The following RBBP8 variants were observed in gnomAD, a reference collection of about 807,000 sequenced individuals.
RBBP8 encodes DNA endonuclease RBBP8.
RBBP8 carries 88 observed loss-of-function variants against 108.3 expected under a neutral mutation model. The ratio of observed to expected loss-of-function variants is 0.81; its 90% CI spans 0.68 to 0.97. RBBP8 has a LOEUF of 0.97. Among genes scored for constraint, RBBP8 ranks in the 50% least tolerant of loss-of-function variants. RBBP8 has a pLI of 0.00. For missense variants in RBBP8, 1,023 were observed against 1,049.0 expected, an observed-to-expected ratio of 0.98 and a Z score of 0.34; for synonymous variants, 332 against 348.2, an observed-to-expected ratio of 0.95 and a Z score of 0.52.
intron 6 of RBBP8, among the ~76,000 whole-genome samples, chr18:22,977,512 C>A (rs1486402595): frequency 6.6e-6 from 1 of 152,062 alleles, no homozygotes; most frequent in East Asian, 1.9e-4. Flanking sequence ...TCATTCTTTT[C>A]GTTTTAGAAA....
chr18:22,958,420 CTT>C (rs1912774092), intron 4 of RBBP8, among the ~76,000 whole-genome samples: 1 of 152,134 alleles, frequency 6.6e-6, no homozygotes. Flanking sequence ...ATGATAATGA[CTT>C]ATTTAAATGT....
chr18:23,019,424 C>G (rs1412305020), intron 17 of RBBP8, among the ~76,000 whole-genome samples: 4 of 152,140 alleles, frequency 2.6e-5, no homozygotes, highest in African/African-American at 7.2e-5. Context: ...GTGCCAGTCC[C>G]ATGTACTTAA....
chr18:23,009,698 AATAGAAGCAAATAC>A (rs1175089666), intron 16 of RBBP8, among the ~76,000 whole-genome samples: 1 of 152,062 alleles, frequency 6.6e-6, no homozygotes, highest in East Asian at 1.9e-4. Context: ...TATCCTAAAA[AATAGAAGCAAATAC>A]ATGTATATAG....
At chr18:23,003,630 T>A (rs956815236) in intron 15 of RBBP8, among the ~76,000 whole-genome samples, 1 of 152,128 alleles carries the variant, frequency 6.6e-6, no homozygotes, top group African/African-American at 2.4e-5. Context: ...ATCTTAGGAG[T>A]CAAGTCCCAA....
At chr18:22,984,148 C>T (rs552334285) in intron 7 of RBBP8, among the ~76,000 whole-genome samples, 3 of 152,180 alleles carry the variant, frequency 2.0e-5, no homozygotes, top group South Asian at 2.1e-4. Context: ...TCTAACTTCC[C>T]TTGCTTGCTT....
At chr18:23,013,545 C>G (rs1368719554) in intron 16 of RBBP8, among the ~76,000 whole-genome samples, 1 of 152,126 alleles carries the variant, frequency 6.6e-6, no homozygotes, top group East Asian at 1.9e-4. Context: ...GGTTAGAAAT[C>G]CCATGACCTC....
rs924323473 is a variant in RBBP8 at position 23,002,781 on chromosome 18, A to G, written c.2287+1052A>G. On this transcript the variant is annotated intron_variant, in intron 15 of 18. Coordinates refer to ENST00000327155, the MANE Select transcript of RBBP8 (RefSeq NM_002894.3). ...CATGTTTCCATCAGGTTTTTGAAAC[A>G]ACAGCCCTTAACTCAAAAGTGAGTG... is the stretch of plus-strand genomic sequence containing the variant. Among the ~76,000 whole-genome samples, 4 of 152,284 alleles carry G rather than the reference A, an allele frequency of 2.6e-5. No individual in the cohort carries two copies. The East Asian group carries it at 7.7e-4, about 29-fold the overall frequency.
intron 5 of RBBP8, among the ~76,000 whole-genome samples, chr18:22,974,299 A>T (rs1439900631): frequency 6.6e-6 from 1 of 152,204 alleles, no homozygotes; most frequent in Non-Finnish European, 1.5e-5. Context: ...CAGATAGGAA[A>T]ATTTGGTGGA....
intron 5 of RBBP8, among the ~76,000 whole-genome samples, chr18:22,973,187 A>G (rs1303112601): frequency 6.6e-6 from 1 of 152,190 alleles, no homozygotes; most frequent in African/African-American, 2.4e-5. Context: ...TAGAATTGGT[A>G]TGAGATTCTT....
chr18:22,948,098 TG>T (rs982451869), intron 3 of RBBP8, among the ~76,000 whole-genome samples: 35 of 152,272 alleles, frequency 2.3e-4, no homozygotes, highest in African/African-American at 8.4e-4. Context: ...TCAATGTGTG[TG>T]TAAATCTTCA....
intron 16 of RBBP8, among the ~76,000 whole-genome samples, chr18:23,012,598 A>T (rs936296026): frequency 1.7e-4 from 26 of 152,234 alleles, no homozygotes; most frequent in Non-Finnish European, 4.4e-5. Flanking sequence ...CTGCAGAAGA[A>T]AAGTTTGAAA....
chr18:22,922,023 A>G (rs1909615523), intron 3 of RBBP8, among the ~76,000 whole-genome samples: 1 of 152,184 alleles, frequency 6.6e-6, no homozygotes, highest in Non-Finnish European at 1.5e-5. Flanking sequence ...TGTGTCCAAG[A>G]GGGTCTAGTT....
chr18:22,954,404 A>G (rs913656263), intron 4 of RBBP8, among the ~76,000 whole-genome samples: 2 of 152,210 alleles, frequency 1.3e-5, no homozygotes, highest in Admixed American at 1.3e-4. Flanking sequence ...TGCAAATCCA[A>G]AATCCAGCAG....
At chr18:22,915,153 T>C (rs1909305557) in intron 1 of RBBP8, among the ~76,000 whole-genome samples, 1 of 152,242 alleles carries the variant, frequency 6.6e-6, no homozygotes, top group South Asian at 2.1e-4. Context: ...AGCTGACATA[T>C]GATTTTATCT....
chr18:22,969,122 A>C (rs1267206868), intron 5 of RBBP8, among the ~76,000 whole-genome samples: 1 of 151,296 alleles, frequency 6.6e-6, no homozygotes, highest in African/African-American at 2.4e-5. Flanking sequence ...GGTTGTGCAA[A>C]TACTGTCCAC....
chr18:23,009,530 TA>T (rs2046119575), intron 16 of RBBP8, among the ~76,000 whole-genome samples: 1 of 149,242 alleles, frequency 6.7e-6, no homozygotes, highest in Admixed American at 6.7e-5. Context: ...GTATTTTATA[TA>T]TATATATATA....
Position 22,994,184 on chromosome 18 carries a change from A to AT in RBBP8, c.1939+349dup, listed in dbSNP as rs888725977. On this transcript the variant is annotated intron_variant, in intron 12 of 18. Transcript: ENST00000327155. ...TATAGGCGCCCACCATGCCCGGCTAATTTTTTTTTTTTGTATTTTTAGTAG... is the reference window on the plus strand; with the variant it reads ...TATAGGCGCCCACCATGCCCGGCTAATTTTTTTTTTTTTGTATTTTTAGTAG... Among the ~76,000 whole-genome samples, 628 of 141,538 alleles carry AT rather than the reference A, an allele frequency of 4.4e-3. 8 individuals are homozygous for AT. Among genetic ancestry groups the AT allele is most frequent in the African/African-American group, 0.012 (451 of 39,060 alleles). 92.9% of individuals were successfully genotyped at this position (141,538 alleles called of 152,430 possible).
chr18:22,974,604 C>T (rs570166602), intron 5 of RBBP8, among the ~76,000 whole-genome samples: 1 of 152,214 alleles, frequency 6.6e-6, no homozygotes, highest in South Asian at 2.1e-4. Context: ...GGATTACAGG[C>T]ATGCGCCACC....
rs1362416580 is a variant in RBBP8, at chr18:23,016,894, G to T, written c.2424G>T (p.Leu808=). The T allele has an allele frequency of 1.2e-6, 2 of 1,613,748 alleles. No individual in the cohort carries two copies. Among genetic ancestry groups the T allele is most frequent in the South Asian group, 2.2e-5 (2 of 91,070 alleles). The change falls in exon 17 of 19, where the codon CTG becomes CTT. Residue 808 remains leucine (L), a synonymous_variant. Transcript: ENST00000327155. ...VVRKKEERRK[L]LGHTCKECEI... ...GGAAAAAAGAGGAGAGAAGAAAACT[G>T]CTTGGGCACACGTGTAAGGAATGTG... is the stretch of plus-strand genomic sequence containing the variant.
Sources: gnomAD v4.1 joint callset for allele counts (sites outside exome capture counted in the v4.1 genomes callset) on GRCh38, gnomAD v4.1.1 for gene constraint, MANE v1.5 for transcripts, NCBI Gene and HGNC (gene_info 2026-07-23, HGNC 2026-07-21) for gene names.